The following AKAP6 variants were observed in gnomAD, a reference collection of about 807,000 sequenced individuals.
The protein encoded by AKAP6 is A-kinase anchor protein 6.
AKAP6 carries 58 observed loss-of-function variants against 188.5 expected under a neutral mutation model. The observed-to-expected ratio is 0.31, with a 90% CI of 0.25 to 0.38. AKAP6 has a LOEUF of 0.38. AKAP6 is among the 10% of genes least tolerant of loss of function. The pLI is 1.00. For synonymous variants in AKAP6, 989 were observed against 998.6 expected (o/e 0.99, Z 0.18); for missense variants, 2,710 against 2,740.0 (o/e 0.99, Z 0.24).
At chr14:32,401,260 G>GA (rs924910916) in intron 1 of AKAP6, among the ~76,000 whole-genome samples, 1 of 151,750 alleles carries the variant, frequency 6.6e-6, no homozygotes, top group Non-Finnish European at 1.5e-5. Context: ...TCCATAAATA[G>GA]AAAAAAAATT....
At chr14:32,663,164 A>G (rs538853932) in intron 7 of AKAP6, among the ~76,000 whole-genome samples, 1 of 152,284 alleles carries the variant, frequency 6.6e-6, no homozygotes, top group Admixed American at 6.5e-5. Context: ...GCCTCTTCAT[A>G]TGACACTTGT....
intron 2 of AKAP6, among the ~76,000 whole-genome samples, chr14:32,503,822 T>C (rs1248024150): frequency 1.3e-5 from 2 of 152,132 alleles, no homozygotes. Context: ...GTTGCCCTTA[T>C]TGCCCTTTTT....
At chr14:32,685,372 C>G (rs547089013) in intron 8 of AKAP6, among the ~76,000 whole-genome samples, 1 of 152,026 alleles carries the variant, frequency 6.6e-6, no homozygotes, top group African/African-American at 2.4e-5. Context: ...GTCAAGAAGG[C>G]TTAGTGGAGG....
intron 9 of AKAP6, among the ~76,000 whole-genome samples, chr14:32,725,276 C>T (rs1046571590): frequency 2.0e-5 from 3 of 152,126 alleles, no homozygotes; most frequent in Non-Finnish European, 4.4e-5. Flanking sequence ...GCATATTTTT[C>T]CCGAGGTCAT....
At chr14:32,631,962 T>G (rs551101745) in intron 7 of AKAP6, among the ~76,000 whole-genome samples, 1 of 152,188 alleles carries the variant, frequency 6.6e-6, no homozygotes, top group South Asian at 2.1e-4. Flanking sequence ...GGAAAAGGCA[T>G]TTTAGAAGAT....
chr14:32,381,874 A>G (rs916477044), intron 1 of AKAP6, among the ~76,000 whole-genome samples: 14 of 151,712 alleles, frequency 9.2e-5, no homozygotes, highest in Non-Finnish European at 5.9e-5. Context: ...GTCTCTCCTC[A>G]CCTCCATCCT....
At chr14:32,407,695 G>C (rs921555466) in intron 1 of AKAP6, among the ~76,000 whole-genome samples, 2 of 152,122 alleles carry the variant, frequency 1.3e-5, no homozygotes, top group African/African-American at 4.8e-5. Context: ...CATGGTTTTA[G>C]ACTTACAGGC....
intron 1 of AKAP6, among the ~76,000 whole-genome samples, chr14:32,382,635 C>G (rs553328568): frequency 1.0e-3 from 158 of 152,216 alleles, no homozygotes; most frequent in Non-Finnish European, 1.1e-3. Flanking sequence ...CTTTTCATCT[C>G]AGAATGAAAA....
At chr14:32,393,056 T>C (rs1888763310) in intron 1 of AKAP6, among the ~76,000 whole-genome samples, 1 of 152,098 alleles carries the variant, frequency 6.6e-6, no homozygotes, top group Non-Finnish European at 1.5e-5. Context: ...CACTGGTTGC[T>C]AAAACAATTG....
At chr14:32,419,901 A>AAAACAG (rs1566493055) in intron 1 of AKAP6, among the ~76,000 whole-genome samples, 2 of 150,620 alleles carry the variant, frequency 1.3e-5, no homozygotes, top group African/African-American at 5.0e-5. Context: ...AACAAAAACA[A>AAAACAG]AAACAAAAGA....
chr14:32,670,809 T>C (rs1213282565), intron 7 of AKAP6, among the ~76,000 whole-genome samples: 1 of 152,132 alleles, frequency 6.6e-6, no homozygotes, highest in African/African-American at 2.4e-5. Flanking sequence ...AAAAGTCTCC[T>C]TCTTAAGGGA....
chr14:32,388,408 G>A (rs1888602510), intron 1 of AKAP6, among the ~76,000 whole-genome samples: 1 of 151,736 alleles, frequency 6.6e-6, no homozygotes, highest in African/African-American at 2.4e-5. Flanking sequence ...CTGGGTTTGG[G>A]TTTAGTTTGT....
intron 2 of AKAP6, among the ~76,000 whole-genome samples, chr14:32,468,664 T>C (rs1353328853): frequency 6.6e-6 from 1 of 152,104 alleles, no homozygotes; most frequent in African/African-American, 2.4e-5. Context: ...TTTTGTTATG[T>C]TTTATTGTCC....
At chr14:32,405,335 C>A (rs1889251679) in intron 1 of AKAP6, among the ~76,000 whole-genome samples, 1 of 152,034 alleles carries the variant, frequency 6.6e-6, no homozygotes, top group Non-Finnish European at 1.5e-5. Flanking sequence ...TTAAATACCC[C>A]TCCCCTTGCT....
intron 12 of AKAP6, among the ~76,000 whole-genome samples, chr14:32,788,528 T>C (rs767425961): frequency 2.6e-5 from 4 of 151,980 alleles, no homozygotes; most frequent in Non-Finnish European, 4.4e-5. Flanking sequence ...AAGCAGGGGG[T>C]GGGGGCAACA....
chr14:32,655,398 G>C (rs927671018), intron 7 of AKAP6, among the ~76,000 whole-genome samples: 1 of 152,124 alleles, frequency 6.6e-6, no homozygotes, highest in Non-Finnish European at 1.5e-5. Context: ...GAATCTCTTA[G>C]TAAATCTTTT....
intron 1 of AKAP6, among the ~76,000 whole-genome samples, chr14:32,422,275 T>C (rs1889874863): frequency 6.6e-6 from 1 of 152,200 alleles, no homozygotes; most frequent in African/African-American, 2.4e-5. Flanking sequence ...AGGGCCATCC[T>C]CACTTCAGAC....
chr14:32,619,284 G>C (rs1172874529), intron 7 of AKAP6, among the ~76,000 whole-genome samples: 1 of 151,974 alleles, frequency 6.6e-6, no homozygotes, highest in Non-Finnish European at 1.5e-5. Flanking sequence ...GTTTTTCTTA[G>C]TTTTTCTTCT....
At chr14:32,337,629 T>A (rs1049955247) in intron 1 of AKAP6, among the ~76,000 whole-genome samples, 6 of 152,206 alleles carry the variant, frequency 3.9e-5, no homozygotes, top group East Asian at 1.9e-4. Context: ...TATGCAGATT[T>A]GTTACATATG....
Sources: gnomAD v4.1 joint callset for allele counts (sites outside exome capture counted in the v4.1 genomes callset) on GRCh38, gnomAD v4.1.1 for gene constraint, MANE v1.5 for transcripts, NCBI Gene and HGNC (gene_info 2026-07-23, HGNC 2026-07-21) for gene names.